FHAD1: variants seen among roughly 807,000 people sequenced by gnomAD.
FHAD1 encodes forkhead-associated domain-containing protein 1.
Under a neutral mutation model 191.3 loss-of-function variants are expected in FHAD1, and 146 were observed. The observed-to-expected ratio is 0.76, with a 90% CI of 0.67 to 0.88. The LOEUF (loss-of-function observed/expected upper bound fraction) is 0.88, where lower values mean the gene tolerates loss of function less well. Ranked by LOEUF, FHAD1 falls within the 40% of genes least tolerant of loss-of-function variation. The probability of loss-of-function intolerance (pLI) is 0.00; values close to 1 mark genes in which losing one functional copy is unlikely to be tolerated. For missense variants in FHAD1, 1,635 were observed against 1,785.8 expected (o/e 0.92, Z 1.52); for synonymous variants, 616 against 672.3 (o/e 0.92, Z 1.29).
chr1:15,362,556 G>C (rs1570248084), intron 22 of FHAD1, 86 bp from the exon 23 acceptor site: 2 of 1,107,580 alleles, frequency 1.8e-6, no homozygotes, highest in East Asian at 2.6e-5. Flanking sequence ...GGCAGGGTTT[G>C]TAAGTTGTGA....
rs972696082 is a variant in FHAD1, at chr1:15,375,647, C to G, written c.3622C>G (p.Leu1208Val). Residue 1208 changes from leucine to valine, a missense_variant, in exon 28 of 34, where the codon CTC (leucine) becomes GTC (valine). By Grantham distance (32) the Leu-to-Val change is conservative (BLOSUM62 1). Coordinates refer to ENST00000688493, the MANE Select transcript of FHAD1 (RefSeq NM_001391957.1). ...QNESFLDLKN[L>V]RMENNVQKIL... ...TGAATCATTTCTAGATTTAAAGAAC[C>G]TCAGAATGGAAAACAATGTCCAGAA... The G allele has an allele frequency of 4.5e-6, 7 of 1,546,654 alleles. No homozygotes were observed. In the African/African-American group the frequency reaches 9.6e-5, roughly 21 times the overall value.
chr1:15,271,620 C>CGCATGGGAGATAACTAATT (rs1656039236), intron 2 of FHAD1, among the ~76,000 whole-genome samples: 1 of 151,692 alleles, frequency 6.6e-6, no homozygotes, highest in Non-Finnish European at 1.5e-5. Flanking sequence ...AATAACTAAT[C>CGCATGGGAGATAACTAATT]GCATGGGAAA....
chr1:15,369,416 C>G lies in FHAD1; in HGVS notation c.3361C>G (p.Gln1121Glu). ...ACTCCAGCTGAACACAGAGAAGGAACAGAAGCCCCGGAAGAAGACCCAGAC... is the reference window on the plus strand; with the variant it reads ...ACTCCAGCTGAACACAGAGAAGGAAGAGAAGCCCCGGAAGAAGACCCAGAC... ...HRLQLNTEKEQKPRKKTQTCD... is the reference protein window; with the variant it reads ...HRLQLNTEKEEKPRKKTQTCD... Residue 1121 changes from glutamine to glutamate, a missense_variant, in exon 26 of 34, where the codon CAG becomes GAG. By Grantham distance (29) the Gln-to-Glu change is conservative (BLOSUM62 2). Transcript: ENST00000688493. 1 of 1,551,942 alleles carries G rather than the reference C, an allele frequency of 6.4e-7. No homozygotes were observed. The highest frequency in any genetic ancestry group is 1.2e-5 in the South Asian group (1 of 84,058).
chr1:15,237,000 T>C (rs1315546786), intron 1 of FHAD1, among the ~76,000 whole-genome samples: 1 of 152,176 alleles, frequency 6.6e-6, no homozygotes, highest in Non-Finnish European at 1.5e-5. Context: ...CCCTTTTGCT[T>C]GGCACTGCTC....
intron 32 of FHAD1, 69 bp downstream of exon 32, chr1:15,388,200 G>A: frequency 1.0e-6 from 1 of 992,480 alleles, no homozygotes; most frequent in Non-Finnish European, 1.4e-6. Context: ...AGAGCTCATG[G>A]CATGCAAATG....
intron 3 of FHAD1, among the ~76,000 whole-genome samples, chr1:15,287,335 A>G (rs1035130703): frequency 7.2e-5 from 11 of 152,176 alleles, no homozygotes; most frequent in Non-Finnish European, 2.9e-5. Flanking sequence ...ACACTGCTAT[A>G]AGGACATACC....
chr1:15,293,705 CA>C (rs1243999993), intron 4 of FHAD1, among the ~76,000 whole-genome samples: 1 of 152,078 alleles, frequency 6.6e-6, no homozygotes, highest in African/African-American at 2.4e-5. Context: ...GCGGACAGAG[CA>C]AGATTCTACC....
chr1:15,329,322 CCTCATGA>C lies in FHAD1; in HGVS notation c.1711-23_1711-17del. 6.6e-7 allele frequency: 1 copy of C among 1,525,456 alleles called. No individual in the cohort carries two copies. Among genetic ancestry groups the C allele is most frequent in the Non-Finnish European group, 8.9e-7 (1 of 1,128,240 alleles). 94.5% of individuals were successfully genotyped at this position (1,525,456 alleles called of 1,614,324 possible). ...TATTTCTGGCCACAGGGCCTGGGCT[CCTCATGA>C]TCTCACCTCTTTGCAGGCTTGCATG... On this transcript the variant is annotated splice_polypyrimidine_tract_variant and intron_variant, in intron 13 of 33. Coordinates refer to ENST00000688493, the MANE Select transcript of FHAD1 (RefSeq NM_001391957.1). The surrounding 1 kb of genome is among the most constrained non-coding windows in gnomAD (Gnocchi z 5.0).
intron 6 of FHAD1, among the ~76,000 whole-genome samples, chr1:15,305,457 G>C (rs574875553): frequency 6.6e-6 from 1 of 152,218 alleles, no homozygotes; most frequent in East Asian, 1.9e-4. Context: ...GATTTGGATC[G>C]TAACTCTACC....
intron 8 of FHAD1, among the ~76,000 whole-genome samples, chr1:15,315,717 A>G (rs1674213100): frequency 6.6e-6 from 1 of 151,706 alleles, no homozygotes. Context: ...CAATCTCCTG[A>G]CCTCATGATC....
rs962790315 is a variant in FHAD1 at position 15,375,640 on chromosome 1, A to T, written c.3615A>T (p.Leu1205Phe). ...KDHQNESFLD[L>F]KNLRMENNVQ... ...ACCAGAATGAATCATTTCTAGATTTAAAGAACCTCAGAATGGAAAACAATG... is the reference window on the plus strand; with the variant it reads ...ACCAGAATGAATCATTTCTAGATTTTAAGAACCTCAGAATGGAAAACAATG... The change falls in exon 28 of 34, where the codon TTA becomes TTT. Residue 1205 changes from leucine (L) to phenylalanine (F), a missense_variant. Coordinates refer to ENST00000688493, the MANE Select transcript of FHAD1 (RefSeq NM_001391957.1). 4 of 1,544,410 alleles carry T rather than the reference A, an allele frequency of 2.6e-6. No individual in the cohort carries two copies. The African/African-American group carries it at 5.5e-5, about 21-fold the overall frequency.
intron 11 of FHAD1, chr1:15,326,045 G>C (rs532291299): frequency 6.6e-6 from 1 of 152,452 alleles, no homozygotes; most frequent in African/African-American, 2.4e-5. Flanking sequence ...CCTCCACTTG[G>C]CCATGAAACC....
At chr1:15,376,092 T>G (rs949908731) in intron 28 of FHAD1, among the ~76,000 whole-genome samples, 2 of 129,862 alleles carry the variant, frequency 1.5e-5, no homozygotes, top group Non-Finnish European at 3.3e-5. Flanking sequence ...TTTATTTATT[T>G]TTTTATTTAT....
intron 6 of FHAD1, among the ~76,000 whole-genome samples, chr1:15,303,643 A>C (rs1669513962): frequency 6.6e-6 from 1 of 152,200 alleles, no homozygotes; most frequent in South Asian, 2.1e-4. Flanking sequence ...TGAGGTCAGG[A>C]GTTCGAGACC....
chr1:15,307,238 A>G (rs1022211771), intron 6 of FHAD1, among the ~76,000 whole-genome samples: 1 of 152,214 alleles, frequency 6.6e-6, no homozygotes, highest in African/African-American at 2.4e-5. Flanking sequence ...TCCCATTTGG[A>G]ATGGCTGTAT....
intron 25 of FHAD1, among the ~76,000 whole-genome samples, chr1:15,368,111 A>C (rs530153447): frequency 6.6e-6 from 1 of 152,280 alleles, no homozygotes; most frequent in East Asian, 1.9e-4. Flanking sequence ...CGCTGGGACT[A>C]CAGGCATGAG....
chr1:15,255,407 G>A lies in FHAD1; in HGVS notation c.93+3530G>A, dbSNP rs570652396. Among the ~76,000 whole-genome samples, 6 of 152,288 alleles carry A rather than the reference G, an allele frequency of 3.9e-5. No homozygotes were observed. The South Asian group carries it at 1.2e-3, about 32-fold the overall frequency. ...ATCACTTGTAATCATGTGACTCAGG[G>A]ACAATCAATATTGGTATTTGTAGGG... On this transcript the variant is annotated intron_variant, in intron 2 of 33. Coordinates refer to ENST00000688493, the MANE Select transcript of FHAD1 (RefSeq NM_001391957.1).
At chr1:15,375,961 C>T (rs1279306348) in intron 28 of FHAD1, among the ~76,000 whole-genome samples, 2 of 152,016 alleles carry the variant, frequency 1.3e-5, no homozygotes, top group Non-Finnish European at 2.9e-5. Flanking sequence ...CATTGGGCCA[C>T]GTTAATCGCT....
intron 1 of FHAD1, among the ~76,000 whole-genome samples, chr1:15,237,024 T>C (rs1005491828): frequency 6.6e-6 from 1 of 152,184 alleles, no homozygotes; most frequent in African/African-American, 2.4e-5. Context: ...GCTGCCGCCA[T>C]GTTAAGAGGG....
Sources: gnomAD v4.1 joint callset for allele counts (sites outside exome capture counted in the v4.1 genomes callset) on GRCh38, gnomAD v4.1.1 for gene constraint, Gnocchi (gnomAD v3.1) non-coding constraint, MANE v1.5 for transcripts, NCBI Gene and HGNC (gene_info 2026-07-23, HGNC 2026-07-21) for gene names.